Variants in LHX2 observed in about 807,000 individuals in gnomAD.
LHX2 encodes LIM/homeobox protein Lhx2.
LHX2 carries 6 observed loss-of-function variants against 33.0 expected under a neutral mutation model. The ratio of observed to expected loss-of-function variants is 0.18; its 90% CI spans 0.10 to 0.36. The LOEUF (loss-of-function observed/expected upper bound fraction) is 0.36, where lower values mean the gene tolerates loss of function less well. LHX2 is among the 10% of genes least tolerant of loss of function. The pLI is 1.00. For synonymous variants in LHX2, 292 were observed against 253.1 expected, an observed-to-expected ratio of 1.15 and a Z score of -1.46; for missense variants, 442 against 586.2, an observed-to-expected ratio of 0.75 and a Z score of 2.54.
At chr9:124,019,443 G>T (rs916050383) in intron 3 of LHX2, among the ~76,000 whole-genome samples, 1 of 152,188 alleles carries the variant, frequency 6.6e-6, no homozygotes, top group Non-Finnish European at 1.5e-5. Context: ...CATTTTTAGT[G>T]TAAGTGTCCC....
Position 124,032,355 on chromosome 9 carries a change from G to C in LHX2, c.934-65G>C. ...CCCCAGAGGCAGCAGAGCTCTGAGT[G>C]AAGCAGTCGGGGGGATGCTCTGCCT... On this transcript the variant is annotated intron_variant, in intron 4 of 4. Transcript: ENST00000373615. The surrounding 1 kb of genome is among the most constrained non-coding windows in gnomAD (Gnocchi z 4.1). 6.7e-7 allele frequency: 1 copy of C among 1,493,796 alleles called. No individual in the cohort carries two copies. The highest frequency in any genetic ancestry group is 9.0e-7 in the Non-Finnish European group (1 of 1,117,074). 92.5% of individuals were successfully genotyped at this position (1,493,796 alleles called of 1,614,324 possible).
Position 124,032,912 on chromosome 9 carries a change from A to G in LHX2, c.*205A>G, listed in dbSNP as rs1317251574. The G allele has an allele frequency of 4.3e-5, 22 of 512,586 alleles. No homozygotes were observed. The East Asian group carries it at 6.5e-4, about 15-fold the overall frequency. The allele number at this position is 512,586 out of a possible 1,614,324, so 31.8% of individuals were successfully genotyped here. On this transcript the variant is annotated 3_prime_UTR_variant, in exon 5 of 5. Coordinates refer to ENST00000373615, the MANE Select transcript of LHX2 (RefSeq NM_004789.4). This position sits in a 1 kb window ranked among gnomAD's most constrained non-coding sequence, Gnocchi z 4.1. ...GAACAACTTGGAAGATCTACCTGCAACACAACATTTGTGTCACTGTACAGT... is the reference window on the plus strand; with the variant it reads ...GAACAACTTGGAAGATCTACCTGCAGCACAACATTTGTGTCACTGTACAGT...
intron 4 of LHX2, among the ~76,000 whole-genome samples, chr9:124,027,922 T>C (rs917784): frequency 0.35 from 53,544 of 152,048 alleles, 10,997 homozygotes; most frequent in Admixed American, 0.47. Context: ...ATCCTTTTTT[T>C]CACCTAACAG....
chr9:124,015,389 G>A lies in LHX2; in HGVS notation c.591G>A (p.Lys197=). 6.2e-7 allele frequency: 1 copy of A among 1,609,478 alleles called. No individual in the cohort carries two copies. The change falls in exon 3 of 5, where the codon AAG becomes AAA. Residue 197 remains lysine (K), a synonymous_variant. Transcript: ENST00000373615. This position sits in a 1 kb window ranked among gnomAD's most constrained non-coding sequence, Gnocchi z 7.9. ...CGGCCGCTGCAGCCGCGGCGGCCAA[G>A]AGCGCGGGGCTGGGCGCAGCAGGGG... ...AAAAAAAAAA[K]SAGLGAAGAN... is the part of the protein sequence containing the mutation.
chr9:124,012,494 G>T lies in LHX2; in HGVS notation c.120+26G>T. 6.6e-7 allele frequency: 1 copy of T among 1,522,562 alleles called. No homozygotes were observed. The highest frequency in any genetic ancestry group is 2.6e-5 in the East Asian group (1 of 38,920). 94.3% of individuals were successfully genotyped at this position (1,522,562 alleles called of 1,614,324 possible). A position where few individuals can be genotyped will look rare whatever the true frequency, so the allele number is the denominator to read the frequency against. On this transcript the variant is annotated intron_variant, in intron 1 of 4. Transcript: ENST00000373615. This position sits in a 1 kb window ranked among gnomAD's most constrained non-coding sequence, Gnocchi z 4.3. ...GTAGGCGCGCGGCTGTGGGGTCGGG[G>T]CTGAGAGCTGGGATGGGGCCGGGCC...
rs1389970261 is a variant in LHX2 at position 124,015,838 on chromosome 9, G to C, written c.727+313G>C. ...CTAGGCAGGAAGTGGCAGGGATGGA[G>C]AAAGCAAGGCGGCGCTGACGCCAAA... On this transcript the variant is annotated intron_variant, in intron 3 of 4. Coordinates refer to ENST00000373615, the MANE Select transcript of LHX2 (RefSeq NM_004789.4). This position sits in a 1 kb window ranked among gnomAD's most constrained non-coding sequence, Gnocchi z 7.9. Among the ~76,000 whole-genome samples, 1 of 152,270 alleles carries C rather than the reference G, an allele frequency of 6.6e-6. No individual in the cohort carries two copies. Among genetic ancestry groups the C allele is most frequent in the African/African-American group, 2.4e-5 (1 of 41,480 alleles).
chr9:124,028,440 C>T (rs932933089), intron 4 of LHX2, among the ~76,000 whole-genome samples: 1 of 152,194 alleles, frequency 6.6e-6, no homozygotes, highest in Non-Finnish European at 1.5e-5. Flanking sequence ...GGGCAGACTG[C>T]ACCTTGTTGC....
rs952642210 is a variant in LHX2 at position 124,025,165 on chromosome 9, A to G, written c.933+3861A>G. 2.6e-5 allele frequency among the ~76,000 whole-genome samples: 4 copies of G among 152,198 alleles called. No individual in the cohort carries two copies. In the South Asian group the frequency reaches 8.3e-4, roughly 32 times the overall value. ...TTAAGACTTTAAGCCTTGGCCGGGCACTGTGGCTCACGCCTGTAATCCCAG... is the reference window on the plus strand; with the variant it reads ...TTAAGACTTTAAGCCTTGGCCGGGCGCTGTGGCTCACGCCTGTAATCCCAG... On this transcript the variant is annotated intron_variant, in intron 4 of 4. Coordinates refer to ENST00000373615, the MANE Select transcript of LHX2 (RefSeq NM_004789.4).
At chr9:124,022,854 C>T (rs1007194849) in intron 4 of LHX2, among the ~76,000 whole-genome samples, 1 of 152,152 alleles carries the variant, frequency 6.6e-6, no homozygotes, top group South Asian at 2.1e-4. Context: ...CCACGGGGAG[C>T]GGGCGAGGGG....
intron 4 of LHX2, among the ~76,000 whole-genome samples, chr9:124,023,329 T>C (rs1475661143): frequency 6.6e-6 from 1 of 152,132 alleles, no homozygotes; most frequent in African/African-American, 2.4e-5. Flanking sequence ...ATAATAATAA[T>C]AATAATGTTT....
intron 3 of LHX2, among the ~76,000 whole-genome samples, chr9:124,018,366 G>T (rs978521678): frequency 6.7e-6 from 1 of 150,168 alleles, no homozygotes; most frequent in African/African-American, 2.5e-5. Context: ...ATCTCGACCC[G>T]CCCCCGGGCA....
rs538149702 is a variant in LHX2, at chr9:124,028,366, C to G, written c.934-4054C>G. On this transcript the variant is annotated intron_variant, in intron 4 of 4. Transcript: ENST00000373615. ...ACTTCGCCTTCTTGTCCCAGACACA[C>G]AGTCCAGAGAACTTGAGGCATGTGA... Among the ~76,000 whole-genome samples the G allele has an allele frequency of 2.0e-5, 3 of 152,330 alleles. No individual in the cohort carries two copies. In the South Asian group the frequency reaches 6.2e-4, roughly 32 times the overall value.
At position 124,012,391 on chromosome 9, in the gene LHX2, A is replaced by G; in HGVS notation, c.43A>G (p.Ile15Val). Residue 15 changes from isoleucine to valine, a missense_variant, in exon 1 of 5, where the codon ATC (isoleucine) becomes GTC (valine). Coordinates refer to ENST00000373615, the MANE Select transcript of LHX2 (RefSeq NM_004789.4). This position sits in a 1 kb window ranked among gnomAD's most constrained non-coding sequence, Gnocchi z 4.3. ...SLSGPEVHGV[I>V]DEMDRRAKSE... ...GTCGGGCCCCGAGGTGCACGGGGTC[A>G]TCGACGAGATGGACCGCAGGGCCAA... 3 of 1,532,038 alleles carry G rather than the reference A, an allele frequency of 2.0e-6. No homozygotes were observed. Among genetic ancestry groups the G allele is most frequent in the Non-Finnish European group, 1.7e-6 (2 of 1,144,046 alleles). The allele number at this position is 1,532,038 out of a possible 1,614,324, so 94.9% of individuals were successfully genotyped here. A position where few individuals can be genotyped will look rare whatever the true frequency, so the allele number is the denominator to read the frequency against.
intron 4 of LHX2, among the ~76,000 whole-genome samples, chr9:124,030,250 C>A (rs1170335755): frequency 1.3e-5 from 2 of 152,246 alleles, no homozygotes; most frequent in African/African-American, 4.8e-5. Flanking sequence ...CCCCTGCAGC[C>A]GGGGTGGTCC....
At chr9:124,022,454 G>C (rs142630808) in intron 4 of LHX2, among the ~76,000 whole-genome samples, 16 of 152,346 alleles carry the variant, frequency 1.1e-4, no homozygotes, top group Admixed American at 8.5e-4. Context: ...TTGATAGCAA[G>C]TTTAACCAAT....
intron 4 of LHX2, among the ~76,000 whole-genome samples, chr9:124,024,352 G>A (rs1291950690): frequency 2.0e-5 from 3 of 152,280 alleles, no homozygotes; most frequent in Admixed American, 1.3e-4. Flanking sequence ...GGATACAGGA[G>A]CCAGGCATTG....
chr9:124,027,690 T>C (rs1828647654), intron 4 of LHX2, among the ~76,000 whole-genome samples: 1 of 152,128 alleles, frequency 6.6e-6, no homozygotes, highest in South Asian at 2.1e-4. Context: ...TGGTGCCACA[T>C]GCTTGTATTC....
Position 124,032,867 on chromosome 9 carries a change from A to C in LHX2, c.*160A>C. 1.3e-6 allele frequency: 1 copy of C among 752,718 alleles called. No homozygotes were observed. Among genetic ancestry groups the C allele is most frequent in the Non-Finnish European group, 2.1e-6 (1 of 483,816 alleles). The allele number at this position is 752,718 out of a possible 1,614,324, so 46.6% of individuals were successfully genotyped here. A position where few individuals can be genotyped will look rare whatever the true frequency, so the allele number is the denominator to read the frequency against. On this transcript the variant is annotated 3_prime_UTR_variant, in exon 5 of 5. Transcript: ENST00000373615. The surrounding 1 kb of genome is among the most constrained non-coding windows in gnomAD (Gnocchi z 4.1). ...AAAAAAAGAAGTGTGCGCCCGGCTA[A>C]TGCAGCGGTGTGGACCGAGGAACAA... is the stretch of plus-strand genomic sequence containing the variant.
Position 124,014,798 on chromosome 9 carries a change from T to C in LHX2, c.324-324T>C, listed in dbSNP as rs1859155996. Among the ~76,000 whole-genome samples the C allele has an allele frequency of 6.6e-6, 1 of 152,160 alleles. No homozygotes were observed. The highest frequency in any genetic ancestry group is 6.5e-5 in the Admixed American group (1 of 15,284). Reference sequence around the variant, plus strand: ...GTCAGTAGGATTCCCAGGCGCTGGTTTGGAGGGAGGAGTAAAGGTTGAGGA... The same window carrying C: ...GTCAGTAGGATTCCCAGGCGCTGGTCTGGAGGGAGGAGTAAAGGTTGAGGA... On this transcript the variant is annotated intron_variant, in intron 2 of 4. Transcript: ENST00000373615. This position sits in a 1 kb window ranked among gnomAD's most constrained non-coding sequence, Gnocchi z 4.8.
Sources: allele counts gnomAD v4.1 joint callset (sites outside exome capture counted in the v4.1 genomes callset), GRCh38; gene constraint gnomAD v4.1.1; non-coding constraint Gnocchi (gnomAD v3.1); transcripts MANE v1.5; gene names NCBI Gene and HGNC (gene_info 2026-07-23, HGNC 2026-07-21).